Variants in SLC27A2 observed in about 807,000 individuals in gnomAD.
SLC27A2 encodes the protein long-chain fatty acid transport protein 2.
SLC27A2 carries 54 observed loss-of-function variants against 60.0 expected under a neutral mutation model. That is an observed-to-expected ratio of 0.90 (90% confidence interval 0.72 to 1.13). The LOEUF (loss-of-function observed/expected upper bound fraction) is 1.13. Ranked by LOEUF, SLC27A2 falls within the 50% of genes most tolerant of loss-of-function variation. The pLI, the probability that SLC27A2 is intolerant of heterozygous loss-of-function variation, is 0.00. For missense variants in SLC27A2, 739 were observed against 777.6 expected (o/e 0.95, Z 0.59); for synonymous variants, 297 against 297.6 (o/e 1.00, Z 0.02).
At position 50,234,088 on chromosome 15, in the gene SLC27A2, C is replaced by T; in HGVS notation, c.1686+90C>T. 5 of 1,288,896 alleles carry T rather than the reference C, an allele frequency of 3.9e-6. No homozygotes were observed. In the South Asian group the frequency reaches 8.3e-5, roughly 21 times the overall value. 79.8% of individuals were successfully genotyped at this position (1,288,896 alleles called of 1,614,324 possible). A position where few individuals can be genotyped will look rare whatever the true frequency, so the allele number is the denominator to read the frequency against. Reference sequence around the variant, plus strand: ...AACTCGCCTTCTCCCAGGATGACTACATTTGCCAAGTTTTCACCGCACTTT... The same window carrying T: ...AACTCGCCTTCTCCCAGGATGACTATATTTGCCAAGTTTTCACCGCACTTT... On this transcript the variant is annotated intron_variant, in intron 9 of 9. Transcript: ENST00000267842.
At chr15:50,227,290 C>A in intron 7 of SLC27A2, 112 bp downstream of exon 7, 1 of 776,488 alleles carries the variant, frequency 1.3e-6, no homozygotes, top group Non-Finnish European at 2.2e-6. Context: ...CTATCTTTGG[C>A]ACATCAGGTC....
At chr15:50,214,521 A>G (rs1030811246) in intron 4 of SLC27A2, among the ~76,000 whole-genome samples, 3 of 152,162 alleles carry the variant, frequency 2.0e-5, no homozygotes, top group African/African-American at 7.2e-5. Flanking sequence ...ACCAAAAAAG[A>G]AAACTGCAGA....
intron 2 of SLC27A2, among the ~76,000 whole-genome samples, chr15:50,202,188 G>A (rs1595684217): frequency 6.6e-6 from 1 of 152,254 alleles, no homozygotes; most frequent in East Asian, 1.9e-4. Flanking sequence ...ACCTGTTTTT[G>A]TAAATAAAGT....
At chr15:50,231,585 G>A (rs1447156976) in intron 8 of SLC27A2, among the ~76,000 whole-genome samples, 1 of 152,168 alleles carries the variant, frequency 6.6e-6, no homozygotes, top group Non-Finnish European at 1.5e-5. Context: ...CCAATCATCA[G>A]AACCATCTGG....
intron 8 of SLC27A2, 106 bp downstream of exon 8, chr15:50,229,148 A>G: frequency 1.4e-6 from 1 of 708,810 alleles, no homozygotes; most frequent in Non-Finnish European, 2.5e-6. Flanking sequence ...AGAGTTAAAC[A>G]GTTCTTTCAG....
At chr15:50,188,695 C>A (rs1032577087) in intron 1 of SLC27A2, among the ~76,000 whole-genome samples, 1 of 152,202 alleles carries the variant, frequency 6.6e-6, no homozygotes, top group Admixed American at 6.5e-5. Flanking sequence ...CACGGTGGCT[C>A]ATGCCTGTAA....
At chr15:50,195,682 C>T (rs1011319201) in intron 1 of SLC27A2, among the ~76,000 whole-genome samples, 1 of 151,698 alleles carries the variant, frequency 6.6e-6, no homozygotes, top group Non-Finnish European at 1.5e-5. Flanking sequence ...GCATCTATCC[C>T]GGTGATATTT....
At chr15:50,197,929 A>G (rs765222380) in intron 2 of SLC27A2, among the ~76,000 whole-genome samples, 1 of 152,198 alleles carries the variant, frequency 6.6e-6, no homozygotes, top group Non-Finnish European at 1.5e-5. Flanking sequence ...TAGAACAGAT[A>G]AAGAGGTTAA....
At chr15:50,230,034 G>C (rs1238248610) in intron 8 of SLC27A2, among the ~76,000 whole-genome samples, 2 of 151,990 alleles carry the variant, frequency 1.3e-5, no homozygotes, top group Non-Finnish European at 2.9e-5. Flanking sequence ...AGGAGATCGA[G>C]AGTATACTGG....
At position 50,226,046 on chromosome 15, in the gene SLC27A2, ATGAAAATGGATAT is replaced by A. The variant is rs2045275915; in HGVS notation, c.1229_1241del (p.Glu410AlafsTer37). 6.2e-7 allele frequency: 1 copy of A among 1,611,592 alleles called. No individual in the cohort carries two copies. The highest frequency in any genetic ancestry group is 2.2e-5 in the East Asian group (1 of 44,856). On this transcript the variant is annotated frameshift_variant, in exon 6 of 10. Coordinates refer to ENST00000267842, the MANE Select transcript of SLC27A2 (RefSeq NM_003645.4). LOFTEE classifies it high-confidence loss of function. ...GTGGAGAAAGATGAACCTGTCCGTG[ATGAAAATGGATAT>A]TGCGTCAGAGTTCCCAAAGGTACAG...
chr15:50,223,466 C>T (rs983943354), intron 5 of SLC27A2, among the ~76,000 whole-genome samples: 1 of 152,206 alleles, frequency 6.6e-6, no homozygotes, highest in African/African-American at 2.4e-5. Context: ...TTACAAGTTC[C>T]GTAAGCTAAT....
intron 7 of SLC27A2, among the ~76,000 whole-genome samples, chr15:50,227,493 A>G (rs994599371): frequency 6.6e-6 from 1 of 152,172 alleles, no homozygotes; most frequent in Non-Finnish European, 1.5e-5. Context: ...ACAGCCAAGG[A>G]TTTTCACCTT....
chr15:50,235,735 G>A (rs1333096457), intron 9 of SLC27A2, among the ~76,000 whole-genome samples, 185 bp from the exon 10 acceptor site: 2 of 152,156 alleles, frequency 1.3e-5, no homozygotes, highest in Admixed American at 6.6e-5. Flanking sequence ...AACACACAAT[G>A]TTATCTGTCC....
At chr15:50,232,984 G>A (rs1047737363) in intron 8 of SLC27A2, among the ~76,000 whole-genome samples, 9 of 152,164 alleles carry the variant, frequency 5.9e-5, no homozygotes, top group African/African-American at 1.7e-4. Flanking sequence ...CTGGACTCCC[G>A]CTGGGTCTGC....
chr15:50,233,666 T>C (rs955524436), intron 8 of SLC27A2, among the ~76,000 whole-genome samples: 1 of 152,214 alleles, frequency 6.6e-6, no homozygotes, highest in African/African-American at 2.4e-5. Flanking sequence ...GCCTGGAATA[T>C]AATAAAGATT....
At chr15:50,203,096 A>C (rs1222673352) in intron 3 of SLC27A2, among the ~76,000 whole-genome samples, 1 of 151,732 alleles carries the variant, frequency 6.6e-6, no homozygotes, top group Non-Finnish European at 1.5e-5. Context: ...GCTGAAGTAG[A>C]AGAATTGCTT....
intron 9 of SLC27A2, 51 bp downstream of exon 9, chr15:50,234,049 A>C: frequency 6.6e-7 from 1 of 1,506,670 alleles, no homozygotes; most frequent in Non-Finnish European, 9.0e-7. Flanking sequence ...GGAGATTCCT[A>C]CCACTTAGGG....
intron 4 of SLC27A2, among the ~76,000 whole-genome samples, chr15:50,212,479 G>A (rs2045165390): frequency 6.6e-6 from 1 of 152,164 alleles, no homozygotes; most frequent in South Asian, 2.1e-4. Context: ...CTTTGCCTAG[G>A]CACATTGTCA....
chr15:50,208,084 AC>A (rs756355695), intron 4 of SLC27A2, among the ~76,000 whole-genome samples: 7 of 151,982 alleles, frequency 4.6e-5, no homozygotes, highest in Non-Finnish European at 1.0e-4. Flanking sequence ...CCCACCAGCG[AC>A]CCCCAAGCAC....
Sources: allele counts gnomAD v4.1 joint callset (sites outside exome capture counted in the v4.1 genomes callset), GRCh38; gene constraint gnomAD v4.1.1; transcripts MANE v1.5; gene names NCBI Gene and HGNC (gene_info 2026-07-23, HGNC 2026-07-21).